The following ATG7 variants were observed in gnomAD, a reference collection of about 807,000 sequenced individuals.
ATG7 encodes the protein autophagy related 7, also known as ubiquitin-like modifier-activating enzyme ATG7.
Under a neutral mutation model 82.4 loss-of-function variants are expected in ATG7, and 70 were observed. The ratio of observed to expected loss-of-function variants is 0.85; its 90% CI spans 0.70 to 1.04. ATG7 has a LOEUF of 1.04. Among genes scored for constraint, ATG7 ranks in the 50% least tolerant of loss-of-function variants. The probability of loss-of-function intolerance (pLI) is 0.00; values close to 1 mark genes in which losing one functional copy is unlikely to be tolerated. For missense variants in ATG7, 792 were observed against 864.3 expected (o/e 0.92, Z 1.05); for synonymous variants, 287 against 313.0 (o/e 0.92, Z 0.88).
intron 20 of ATG7, among the ~76,000 whole-genome samples, chr3:11,452,943 A>G (rs909827177): frequency 2.0e-5 from 3 of 152,176 alleles, no homozygotes; most frequent in Non-Finnish European, 4.4e-5. Context: ...GAAGTGCACG[A>G]TTCCGTGGGC....
In ATG7 at chr3:11,361,333, C is replaced by T. The variant is rs150408758; in HGVS notation, c.1683+549C>T. ...AGAGTTTCGCCCTGTCACCCAGGCT[C>T]GAGTGCAGTGGCACAATCTCGGCTC... is the stretch of plus-strand genomic sequence containing the variant. On this transcript the variant is annotated intron_variant, in intron 16 of 20. Transcript: ENST00000693202. Among the ~76,000 whole-genome samples the T allele has an allele frequency of 5.4e-3, 806 of 150,278 alleles. 5 individuals are homozygous for T. Among genetic ancestry groups the T allele is most frequent in the Middle Eastern group, 0.027 (8 of 294 alleles).
At chr3:11,471,936 C>G (rs773300802) in intron 20 of ATG7, among the ~76,000 whole-genome samples, 2 of 151,816 alleles carry the variant, frequency 1.3e-5, no homozygotes, top group African/African-American at 4.8e-5. Context: ...TGGGGTTTCA[C>G]CATGCTGGCC....
At chr3:11,394,675 G>A (rs1451389637) in intron 19 of ATG7, among the ~76,000 whole-genome samples, 5 of 152,188 alleles carry the variant, frequency 3.3e-5, no homozygotes, top group Admixed American at 1.3e-4. Flanking sequence ...GGTGAAGTGG[G>A]TGTAAACCAT....
intron 20 of ATG7, among the ~76,000 whole-genome samples, chr3:11,457,291 T>G (rs1467951265): frequency 6.6e-6 from 1 of 152,050 alleles, no homozygotes; most frequent in Non-Finnish European, 1.5e-5. Flanking sequence ...GGACTGCCGG[T>G]AAATCACTGG....
the ATG7 span, among the ~76,000 whole-genome samples, chr3:11,573,360 A>G: frequency 0.019 from 1,960 of 105,622 alleles, 35 homozygotes; most frequent in Non-Finnish European, 0.03. Context: ...AGAAAGAAAG[A>G]AAGAAAGAAA....
At chr3:11,569,847 C>CTTTA in the ATG7 span, among the ~76,000 whole-genome samples, 4 of 152,278 alleles carry the variant, frequency 2.6e-5, no homozygotes, top group Admixed American at 6.5e-5. Flanking sequence ...CGCCACTGCA[C>CTTTA]TTTAGCCTGG....
chr3:11,573,252 A>AG, the ATG7 span, among the ~76,000 whole-genome samples: 1 of 35,644 alleles, frequency 2.8e-5, no homozygotes, highest in African/African-American at 7.6e-5. Context: ...ATAGAGAAAG[A>AG]AAGAAAGAAA....
At position 11,554,976 on chromosome 3, in the gene ATG7, C is replaced by G. The variant is rs756603246; in HGVS notation, c.*133C>G. 4.7e-5 allele frequency: 55 copies of G among 1,158,748 alleles called. 2 individuals carry two copies. The highest frequency in any genetic ancestry group is 2.2e-4 in the Middle Eastern group (1 of 4,622). 71.8% of individuals were successfully genotyped at this position (1,158,748 alleles called of 1,614,324 possible). Reference sequence around the variant, plus strand: ...CATACCCCGAGGTCTGGGATTCCCCCCTCTGCTGCCCAGGAGTGGCCAGTG... The same window carrying G: ...CATACCCCGAGGTCTGGGATTCCCCGCTCTGCTGCCCAGGAGTGGCCAGTG... On this transcript the variant is annotated 3_prime_UTR_variant, in exon 21 of 21. Coordinates refer to ENST00000693202, the MANE Select transcript of ATG7 (RefSeq NM_001349232.2).
At chr3:11,330,611 C>G (rs991891702) in intron 9 of ATG7, among the ~76,000 whole-genome samples, 1 of 152,068 alleles carries the variant, frequency 6.6e-6, no homozygotes, top group Non-Finnish European at 1.5e-5. Flanking sequence ...CCAAGGAGCC[C>G]CGATTTATTT....
intron 20 of ATG7, among the ~76,000 whole-genome samples, chr3:11,453,624 C>T (rs534891296): frequency 6.6e-6 from 1 of 152,326 alleles, no homozygotes; most frequent in African/African-American, 2.4e-5. Flanking sequence ...TCATTTAGCT[C>T]TCTTATGAGT....
At chr3:11,514,368 G>A (rs2454477) in intron 20 of ATG7, among the ~76,000 whole-genome samples, 130,953 of 152,288 alleles carry the variant, frequency 0.86, 56,762 homozygotes, top group East Asian at 1. Flanking sequence ...TTCTTGGGAT[G>A]CCCATCTGAC....
At chr3:11,417,228 T>C (rs1359242719) in intron 19 of ATG7, among the ~76,000 whole-genome samples, 1 of 152,262 alleles carries the variant, frequency 6.6e-6, no homozygotes, top group East Asian at 1.9e-4. Flanking sequence ...GCGTCCTTTT[T>C]AACCTTCTGT....
intron 20 of ATG7, among the ~76,000 whole-genome samples, chr3:11,527,169 C>T (rs13075915): frequency 0.18 from 26,710 of 151,294 alleles, 2,982 homozygotes; most frequent in East Asian, 0.39. Context: ...CAGTAGCACG[C>T]TCTCGGCTCA....
At chr3:11,350,456 A>G (rs916510273) in intron 14 of ATG7, among the ~76,000 whole-genome samples, 1 of 152,208 alleles carries the variant, frequency 6.6e-6, no homozygotes. Context: ...AACTTACTCA[A>G]TAAGCCACAT....
At chr3:11,535,727 G>A (rs1298631729) in intron 20 of ATG7, among the ~76,000 whole-genome samples, 1 of 152,144 alleles carries the variant, frequency 6.6e-6, no homozygotes, top group Non-Finnish European at 1.5e-5. Flanking sequence ...GCGCTGGGGG[G>A]AGAACCTTGT....
intron 18 of ATG7, among the ~76,000 whole-genome samples, chr3:11,373,198 T>A (rs926481664): frequency 7.1e-6 from 1 of 141,078 alleles, no homozygotes; most frequent in Non-Finnish European, 1.6e-5. Context: ...AAATTTACTT[T>A]CAGCAAGAGG....
chr3:11,432,300 G>A (rs1448840792), intron 20 of ATG7, among the ~76,000 whole-genome samples: 2 of 152,166 alleles, frequency 1.3e-5, no homozygotes, highest in Admixed American at 1.3e-4. Flanking sequence ...AGCACAGTGA[G>A]GAGAGGCTAG....
At chr3:11,333,821 C>T (rs1408387572) in intron 11 of ATG7, among the ~76,000 whole-genome samples, 1 of 150,156 alleles carries the variant, frequency 6.7e-6, no homozygotes, top group Admixed American at 6.7e-5. Context: ...GATCTTGGCT[C>T]ACTGCAAGCT....
chr3:11,284,044 A>G (rs1169186605), intron 3 of ATG7, among the ~76,000 whole-genome samples: 1 of 152,236 alleles, frequency 6.6e-6, no homozygotes, highest in Non-Finnish European at 1.5e-5. Context: ...AGGCTGGTTT[A>G]TGGAAACTAG....
Sources: allele counts gnomAD v4.1 joint callset (sites outside exome capture counted in the v4.1 genomes callset), GRCh38; gene constraint gnomAD v4.1.1; transcripts MANE v1.5; gene names NCBI Gene and HGNC (gene_info 2026-07-23, HGNC 2026-07-21).